Variants in SPIDR observed in about 807,000 individuals in gnomAD.
The protein encoded by SPIDR is scaffold protein involved in DNA repair.
SPIDR carries 93 observed loss-of-function variants against 104.6 expected under a neutral mutation model. That is an observed-to-expected ratio of 0.89 (90% CI 0.75 to 1.06). The LOEUF is 1.06. Among genes scored for constraint, SPIDR ranks in the 50% least tolerant of loss-of-function variants. The probability of loss-of-function intolerance (pLI) is 0.00; values close to 1 mark genes in which losing one functional copy is unlikely to be tolerated. For missense variants in SPIDR, 1,154 were observed against 1,111.2 expected (o/e 1.04, Z -0.55); for synonymous variants, 431 against 416.9 (o/e 1.03, Z -0.41).
Position 47,603,696 on chromosome 8 carries a change from C to G in SPIDR, c.1544+4500C>G, listed in dbSNP as rs140807859. 8.5e-5 allele frequency among the ~76,000 whole-genome samples: 13 copies of G among 152,250 alleles called. No individual in the cohort carries two copies. The East Asian group carries it at 2.5e-3, about 29-fold the overall frequency. On this transcript the variant is annotated intron_variant, in intron 10 of 19. Coordinates refer to ENST00000297423, the MANE Select transcript of SPIDR (RefSeq NM_001080394.4). ...TACAGGCGTGAGCCACCATACCCGG[C>G]CAACTAATGTAATCTCTGTCCTTTA...
At chr8:47,675,196 C>G (rs759839769) in intron 11 of SPIDR, among the ~76,000 whole-genome samples, 2 of 152,120 alleles carry the variant, frequency 1.3e-5, no homozygotes, top group Non-Finnish European at 2.9e-5. Flanking sequence ...GCCACTACGC[C>G]CAGCTAATTT....
At chr8:47,492,460 C>T (rs569914899) in intron 8 of SPIDR, among the ~76,000 whole-genome samples, 1 of 152,192 alleles carries the variant, frequency 6.6e-6, no homozygotes, top group Non-Finnish European at 1.5e-5. Context: ...TTGCACCCTG[C>T]TGATTGTAAA....
At chr8:47,529,608 G>T (rs750763413) in intron 8 of SPIDR, among the ~76,000 whole-genome samples, 23 of 151,604 alleles carry the variant, frequency 1.5e-4, no homozygotes, top group Non-Finnish European at 2.8e-4. Flanking sequence ...TTATTCAAAA[G>T]GAAGGAAAAT....
At chr8:47,733,230 T>C (rs930236102) in intron 19 of SPIDR, among the ~76,000 whole-genome samples, 4 of 151,924 alleles carry the variant, frequency 2.6e-5, no homozygotes, top group African/African-American at 9.7e-5. Flanking sequence ...CTATTAAAAA[T>C]TAAAAAATTA....
At chr8:47,610,646 A>G (rs556277609) in intron 10 of SPIDR, among the ~76,000 whole-genome samples, 43 of 152,298 alleles carry the variant, frequency 2.8e-4, no homozygotes, top group African/African-American at 9.4e-4. Flanking sequence ...ACAGTTCTCA[A>G]TGGCTTGAGC....
At chr8:47,596,110 C>A in intron 9 of SPIDR, 104 bp downstream of exon 9, 4 of 979,488 alleles carry the variant, frequency 4.1e-6, no homozygotes, top group Non-Finnish European at 6.0e-6. Context: ...TGTCTCCCTC[C>A]AAAAACCCCA....
chr8:47,268,749 G>A (rs371206024), intron 1 of SPIDR, among the ~76,000 whole-genome samples: 9 of 151,954 alleles, frequency 5.9e-5, no homozygotes, highest in African/African-American at 1.2e-4. Flanking sequence ...TGAGCCAGCC[G>A]CACCCAGCTC....
At chr8:47,371,463 G>A (rs1487320898) in intron 5 of SPIDR, among the ~76,000 whole-genome samples, 1 of 152,098 alleles carries the variant, frequency 6.6e-6, no homozygotes, top group Non-Finnish European at 1.5e-5. Context: ...AGCTCAGGGT[G>A]CCAGCATGGT....
At chr8:47,385,698 T>C (rs921769320) in intron 5 of SPIDR, among the ~76,000 whole-genome samples, 3 of 151,968 alleles carry the variant, frequency 2.0e-5, no homozygotes. Context: ...ATTTTGCTCA[T>C]TTTTTCCATT....
intron 8 of SPIDR, among the ~76,000 whole-genome samples, chr8:47,516,360 C>T (rs1426241843): frequency 6.6e-6 from 1 of 152,126 alleles, no homozygotes; most frequent in East Asian, 1.9e-4. Context: ...TGTGGTGCAA[C>T]CAACACCGCT....
Position 47,658,982 on chromosome 8 carries a change from G to A in SPIDR, c.1545-14819G>A, listed in dbSNP as rs191077431. Among the ~76,000 whole-genome samples the A allele has an allele frequency of 1.1e-4, 16 of 150,312 alleles. 1 individual carries two copies. The highest frequency in any genetic ancestry group is 8.6e-4 in the Admixed American group (13 of 15,088). ...AAAAGAAAAGACTCTTCTCAGCGCCGCACAGTGGCTTACACTTACAGTCCC... is the reference window on the plus strand; with the variant it reads ...AAAAGAAAAGACTCTTCTCAGCGCCACACAGTGGCTTACACTTACAGTCCC... On this transcript the variant is annotated intron_variant, in intron 10 of 19. Coordinates refer to ENST00000297423, the MANE Select transcript of SPIDR (RefSeq NM_001080394.4).
At chr8:47,308,430 T>A (rs2043507581) in intron 5 of SPIDR, among the ~76,000 whole-genome samples, 1 of 151,128 alleles carries the variant, frequency 6.6e-6, no homozygotes, top group Non-Finnish European at 1.5e-5. Context: ...GGCTTGTCTG[T>A]ATGTGAAGGA....
rs375182934 is a variant in SPIDR at position 47,340,721 on chromosome 8, G to T, written c.525+46691G>T. Among the ~76,000 whole-genome samples the T allele has an allele frequency of 3.3e-5, 5 of 152,290 alleles. No individual in the cohort carries two copies. The East Asian group carries it at 9.7e-4, about 29-fold the overall frequency. The stretch of plus-strand genomic sequence containing the variant: ...GAAATACCAAACACATGTTTAGAAG[G>T]CTGGGCCTTCAGCCACCTGAACTCT... On this transcript the variant is annotated intron_variant, in intron 5 of 19. Coordinates refer to ENST00000297423, the MANE Select transcript of SPIDR (RefSeq NM_001080394.4).
chr8:47,732,364 T>G (rs752901235), intron 19 of SPIDR, among the ~76,000 whole-genome samples: 4 of 152,228 alleles, frequency 2.6e-5, no homozygotes, highest in Non-Finnish European at 5.9e-5. Context: ...TGTGTATGTG[T>G]CCACTTGACT....
chr8:47,467,448 A>G (rs957728437), intron 8 of SPIDR, among the ~76,000 whole-genome samples: 1 of 152,210 alleles, frequency 6.6e-6, no homozygotes, highest in Non-Finnish European at 1.5e-5. Context: ...ATAAACATCA[A>G]TGCAAAAATC....
intron 8 of SPIDR, among the ~76,000 whole-genome samples, chr8:47,448,539 A>G (rs2071111552): frequency 6.6e-6 from 1 of 152,198 alleles, no homozygotes; most frequent in Non-Finnish European, 1.5e-5. Context: ...AACAAGTTAT[A>G]AAAGACCACT....
At chr8:47,373,330 G>T (rs1367247864) in intron 5 of SPIDR, among the ~76,000 whole-genome samples, 2 of 152,076 alleles carry the variant, frequency 1.3e-5, no homozygotes, top group African/African-American at 2.4e-5. Flanking sequence ...AAACATTTCT[G>T]ATCCAAGCAA....
chr8:47,291,154 T>A lies in SPIDR; in HGVS notation c.361+17T>A. On this transcript the variant is annotated intron_variant, in intron 4 of 19. Coordinates refer to ENST00000297423, the MANE Select transcript of SPIDR (RefSeq NM_001080394.4). ...TACAGAGAGGTAATGGACATTGCTC[T>A]AGAATAGACAGATTTTGTAACAGGA... The A allele has an allele frequency of 6.5e-7, 1 of 1,531,232 alleles. No individual in the cohort carries two copies. Among genetic ancestry groups the A allele is most frequent in the Non-Finnish European group, 9.0e-7 (1 of 1,115,962 alleles). The allele number at this position is 1,531,232 out of a possible 1,614,324, so 94.9% of individuals were successfully genotyped here. A position where few individuals can be genotyped will look rare whatever the true frequency, so the allele number is the denominator to read the frequency against.
rs572272155 is a variant in SPIDR, at chr8:47,362,945, G to A, written c.526-33431G>A. The stretch of plus-strand genomic sequence containing the variant: ...TGGGATTACAGGCGTGAGCTACCAC[G>A]CCCAGCCAGTGTTCTTTTTTCTGGC... On this transcript the variant is annotated intron_variant, in intron 5 of 19. Transcript: ENST00000297423. Among the ~76,000 whole-genome samples, 420 of 152,184 alleles carry A rather than the reference G, an allele frequency of 2.8e-3. 1 individual carries two copies. The highest frequency in any genetic ancestry group is 9.9e-3 in the African/African-American group (409 of 41,520).
Sources: allele counts gnomAD v4.1 joint callset (sites outside exome capture counted in the v4.1 genomes callset), GRCh38; gene constraint gnomAD v4.1.1; transcripts MANE v1.5; gene names NCBI Gene and HGNC (gene_info 2026-07-23, HGNC 2026-07-21).